Variants in OPN3 observed in about 807,000 individuals in gnomAD.
OPN3 encodes opsin-3.
In OPN3, 29 loss-of-function variants were observed where a neutral mutation model predicts 33.8. The observed-to-expected ratio is 0.86, with a 90% confidence interval of 0.64 to 1.17. The LOEUF (loss-of-function observed/expected upper bound fraction) is 1.17. Among genes scored for constraint, OPN3 ranks in the 50% most tolerant of loss-of-function variants. The probability of loss-of-function intolerance (pLI) is 0.00; values close to 1 mark genes in which losing one functional copy is unlikely to be tolerated. For synonymous variants in OPN3, 216 were observed against 216.1 expected, an observed-to-expected ratio of 1.00 and a Z score of 0.00; for missense variants, 437 against 514.1, an observed-to-expected ratio of 0.85 and a Z score of 1.45.
intron 1 of OPN3, among the ~76,000 whole-genome samples, chr1:241,615,394 T>C (rs528133124): frequency 6.6e-6 from 1 of 152,168 alleles, no homozygotes; most frequent in Non-Finnish European, 1.5e-5. Flanking sequence ...CTAGGTTTTA[T>C]GATAACCTAC....
chr1:241,636,099 A>C (rs1447234536), intron 1 of OPN3: 1 of 441,568 alleles, frequency 2.3e-6, no homozygotes, highest in African/African-American at 2.0e-5. Context: ...TCAAGAAAGA[A>C]TACATTGTAA....
At chr1:241,636,753 G>A (rs1664914407) in intron 1 of OPN3, among the ~76,000 whole-genome samples, 1 of 152,022 alleles carries the variant, frequency 6.6e-6, no homozygotes, top group Non-Finnish European at 1.5e-5. Context: ...GTGTGTAAGT[G>A]TAAGTAAAAA....
At chr1:241,630,771 T>A (rs1664601300) in intron 1 of OPN3, 1 of 152,096 alleles carries the variant, frequency 6.6e-6, no homozygotes, top group Non-Finnish European at 1.5e-5. Flanking sequence ...AGAGAAATAA[T>A]TAAATCAAGG....
rs146769725 is a variant in OPN3, at chr1:241,603,434, AGGCTGAGAG to A, written c.693+817_693+825del. On this transcript the variant is annotated intron_variant, in intron 2 of 3. Transcript: ENST00000366554. ...CAGGGATAGAAAGGTTGGTAGAACAAGGCTGAGAGGACATCTAAGTGTAGACAGATGTGT... is the reference window on the plus strand; with the variant it reads ...CAGGGATAGAAAGGTTGGTAGAACAAGACATCTAAGTGTAGACAGATGTGT... Among the ~76,000 whole-genome samples, 1,041 of 152,214 alleles carry A rather than the reference AGGCTGAGAG, an allele frequency of 6.8e-3. 17 individuals are homozygous for A. Among genetic ancestry groups the A allele is most frequent in the African/African-American group, 0.024 (1,002 of 41,524 alleles).
chr1:241,637,942 C>T (rs534342024), intron 1 of OPN3, among the ~76,000 whole-genome samples: 2 of 152,310 alleles, frequency 1.3e-5, no homozygotes, highest in East Asian at 3.9e-4. Context: ...TTAGGTAGTT[C>T]TTGCTCAGGG....
chr1:241,638,109 G>C (rs1461689058), intron 1 of OPN3, among the ~76,000 whole-genome samples: 1 of 152,104 alleles, frequency 6.6e-6, no homozygotes, highest in Admixed American at 6.6e-5. Context: ...CTTAAGTCTC[G>C]GAATCTCTTA....
At chr1:241,634,163 T>A in intron 1 of OPN3, 1 of 1,613,752 alleles carries the variant, frequency 6.2e-7, no homozygotes, top group Non-Finnish European at 8.5e-7. Context: ...TATTTCTGTT[T>A]CAGTATACGG....
intron 1 of OPN3, among the ~76,000 whole-genome samples, chr1:241,608,171 C>T (rs189508543): frequency 5.3e-5 from 8 of 152,278 alleles, no homozygotes; most frequent in African/African-American, 1.4e-4. Context: ...ACATTGAATA[C>T]GATTTAGTCT....
At chr1:241,629,732 T>A (rs991298816) in intron 1 of OPN3, 4 of 152,136 alleles carry the variant, frequency 2.6e-5, no homozygotes, top group Non-Finnish European at 5.9e-5. Flanking sequence ...ATTTGGAATA[T>A]CACATGTAAA....
At chr1:241,609,478 G>A (rs564493700) in intron 1 of OPN3, among the ~76,000 whole-genome samples, 5 of 152,366 alleles carry the variant, frequency 3.3e-5, no homozygotes, top group Admixed American at 6.5e-5. Flanking sequence ...TGCCTTCGCT[G>A]CAAAGCTGCA....
chr1:241,601,924 A>T (rs1317455980), intron 2 of OPN3, among the ~76,000 whole-genome samples: 2 of 152,224 alleles, frequency 1.3e-5, no homozygotes, highest in Non-Finnish European at 2.9e-5. Flanking sequence ...TTTAGGGAAA[A>T]TATGACAAAT....
chr1:241,623,324 T>C (rs755118572), intron 1 of OPN3, among the ~76,000 whole-genome samples: 2 of 152,234 alleles, frequency 1.3e-5, no homozygotes, highest in Non-Finnish European at 2.9e-5. Context: ...TCCTGACTAC[T>C]ATTGCCCTAA....
intron 2 of OPN3, chr1:241,600,492 AT>A (rs1490817974): frequency 6.6e-6 from 1 of 152,228 alleles, no homozygotes; most frequent in Non-Finnish European, 1.5e-5. Flanking sequence ...GCTAAGACAA[AT>A]TCTTCAGAAT....
chr1:241,594,714 G>A (rs1663445793), intron 3 of OPN3, 23 bp from the exon 4 acceptor site: 1 of 1,602,302 alleles, frequency 6.2e-7, no homozygotes, highest in South Asian at 1.1e-5. Context: ...AAAATAAAGT[G>A]GAATATTAAG....
intron 1 of OPN3, chr1:241,635,267 A>G (rs1275467148): frequency 1.9e-6 from 3 of 1,613,920 alleles, no homozygotes; most frequent in Non-Finnish European, 1.7e-6. Flanking sequence ...AGTTACTTCT[A>G]GTGAAATCTC....
intron 2 of OPN3, among the ~76,000 whole-genome samples, chr1:241,602,296 C>T (rs1052127031): frequency 4.6e-5 from 7 of 152,182 alleles, no homozygotes; most frequent in East Asian, 1.9e-4. Context: ...TAGTCTCAAA[C>T]GCTGAGGATG....
At chr1:241,630,155 T>G (rs369233646) in intron 1 of OPN3, 1 of 152,158 alleles carries the variant, frequency 6.6e-6, no homozygotes, top group East Asian at 1.9e-4. Context: ...GATGGTGAAA[T>G]AGATACTAGG....
intron 1 of OPN3, among the ~76,000 whole-genome samples, chr1:241,609,648 T>A (rs1049089012): frequency 6.6e-6 from 1 of 152,226 alleles, no homozygotes; most frequent in Non-Finnish European, 1.5e-5. Flanking sequence ...GTCAAAGTTA[T>A]GGTGCAAAAA....
chr1:241,602,824 G>C (rs368164609), intron 2 of OPN3, among the ~76,000 whole-genome samples: 1 of 152,110 alleles, frequency 6.6e-6, no homozygotes. Flanking sequence ...GAGATTCCAC[G>C]TAGGAATCTG....
Sources: gnomAD v4.1 joint callset for allele counts (sites outside exome capture counted in the v4.1 genomes callset) on GRCh38, gnomAD v4.1.1 for gene constraint, MANE v1.5 for transcripts, NCBI Gene and HGNC (gene_info 2026-07-23, HGNC 2026-07-21) for gene names.